RGS17: variants seen among roughly 807,000 people sequenced by gnomAD.
The protein encoded by RGS17 is regulator of G-protein signaling 17.
RGS17 carries 12 observed loss-of-function variants against 25.5 expected under a neutral mutation model. The observed-to-expected ratio is 0.47, with a 90% confidence interval of 0.30 to 0.76. The LOEUF is 0.76. Ranked by LOEUF, RGS17 falls within the 30% of genes least tolerant of loss-of-function variation. The pLI, the probability that RGS17 is intolerant of heterozygous loss-of-function variation, is 0.07. For synonymous variants in RGS17, 71 were observed against 76.9 expected, an observed-to-expected ratio of 0.92 and a Z score of 0.40; for missense variants, 196 against 242.2, an observed-to-expected ratio of 0.81 and a Z score of 1.27.
intron 1 of RGS17, among the ~76,000 whole-genome samples, chr6:153,112,571 A>C (rs866430212): frequency 1.3e-5 from 2 of 152,150 alleles, no homozygotes; most frequent in African/African-American, 4.8e-5. Flanking sequence ...AAATACAGAG[A>C]ACACCACAAA....
rs182683988 is a variant in RGS17, at chr6:153,028,207, G to C, written c.120-1664C>G. On this transcript the variant is annotated intron_variant, in intron 2 of 4. Transcript: ENST00000206262. ...TTGAGTTTGCCTCTACCCATTTCTAGGGACAGGGGCAGGTTTATTGGTGTC... is the reference window on the plus strand; with the variant it reads ...TTGAGTTTGCCTCTACCCATTTCTACGGACAGGGGCAGGTTTATTGGTGTC... 1.9e-4 allele frequency among the ~76,000 whole-genome samples: 29 copies of C among 152,278 alleles called. 1 individual carries two copies. In the East Asian group the frequency reaches 4.8e-3, roughly 25 times the overall value.
chr6:153,065,011 C>G (rs1433919611), intron 1 of RGS17, among the ~76,000 whole-genome samples: 1 of 152,074 alleles, frequency 6.6e-6, no homozygotes, highest in Non-Finnish European at 1.5e-5. Flanking sequence ...TACAGAGTGC[C>G]TGAATGGATA....
intron 4 of RGS17, among the ~76,000 whole-genome samples, chr6:153,017,032 A>G (rs1254221833): frequency 1.3e-5 from 2 of 152,202 alleles, no homozygotes; most frequent in Non-Finnish European, 2.9e-5. Flanking sequence ...GATAAGAGCT[A>G]TCCTCGGGCA....
intron 2 of RGS17, among the ~76,000 whole-genome samples, chr6:153,041,664 G>A (rs765328969): frequency 1.3e-5 from 2 of 152,142 alleles, no homozygotes; most frequent in Admixed American, 6.6e-5. Context: ...ATCATATACC[G>A]ATTACAGGAA....
intron 1 of RGS17, among the ~76,000 whole-genome samples, chr6:153,117,535 G>A (rs192318264): frequency 1.2e-4 from 18 of 152,252 alleles, no homozygotes; most frequent in Admixed American, 7.8e-4. Flanking sequence ...CTTAGGCTCC[G>A]CCCCTTATAA....
rs115018762 is a variant in RGS17, at chr6:153,046,071, T to G, written c.-25-2028A>C. Among the ~76,000 whole-genome samples the G allele has an allele frequency of 5.1e-3, 774 of 152,296 alleles. 5 individuals are homozygous for G. The highest frequency in any genetic ancestry group is 0.017 in the African/African-American group (712 of 41,566). Reference sequence around the variant, plus strand: ...TGGATGGAACTGGAAGATATTATATTAAGTGAAATAAGCAAGGAACAGAAG... The same window carrying G: ...TGGATGGAACTGGAAGATATTATATGAAGTGAAATAAGCAAGGAACAGAAG... On this transcript the variant is annotated intron_variant, in intron 1 of 4. Transcript: ENST00000206262.
At chr6:153,013,495 A>T (rs1336026375) in intron 4 of RGS17, among the ~76,000 whole-genome samples, 1 of 152,214 alleles carries the variant, frequency 6.6e-6, no homozygotes, top group African/African-American at 2.4e-5. Context: ...TGAAAGGAAG[A>T]TTCACACATC....
intron 1 of RGS17, among the ~76,000 whole-genome samples, chr6:153,070,320 TTAGCAAAG>T (rs1776769129): frequency 6.6e-6 from 1 of 152,118 alleles, no homozygotes; most frequent in African/African-American, 2.4e-5. Flanking sequence ...GGTTCAGCTT[TTAGCAAAG>T]AATAACTCTT....
intron 4 of RGS17, among the ~76,000 whole-genome samples, chr6:153,012,191 T>C (rs1305143376): frequency 2.0e-5 from 3 of 152,142 alleles, no homozygotes; most frequent in Admixed American, 6.5e-5. Context: ...TGGCAAAAAT[T>C]AACATGCATA....
intron 1 of RGS17, among the ~76,000 whole-genome samples, chr6:153,112,280 A>G (rs1231107608): frequency 6.6e-6 from 1 of 152,218 alleles, no homozygotes; most frequent in Non-Finnish European, 1.5e-5. Flanking sequence ...TGAAGCATAC[A>G]CAAGAATCAA....
intron 1 of RGS17, among the ~76,000 whole-genome samples, chr6:153,067,400 T>C (rs1319042178): frequency 6.6e-6 from 1 of 152,266 alleles, no homozygotes; most frequent in South Asian, 2.1e-4. Flanking sequence ...TATGATCTTA[T>C]ATTTGGAAAA....
intron 1 of RGS17, among the ~76,000 whole-genome samples, chr6:153,079,347 G>A (rs114582316): frequency 0.016 from 2,494 of 152,248 alleles, 74 homozygotes; most frequent in African/African-American, 0.056. Flanking sequence ...CAAAATGCTA[G>A]GATTACAGGT....
intron 1 of RGS17, among the ~76,000 whole-genome samples, chr6:153,119,741 A>T (rs994977586): frequency 2.6e-4 from 40 of 152,232 alleles, no homozygotes; most frequent in African/African-American, 9.2e-4. Context: ...CATCTTTGTG[A>T]TACATGTCCG....
intron 2 of RGS17, among the ~76,000 whole-genome samples, chr6:153,039,573 C>A (rs1022654301): frequency 8.5e-5 from 13 of 152,124 alleles, no homozygotes; most frequent in Admixed American, 3.9e-4. Context: ...GATGGGACAC[C>A]CACAGAAGCG....
At chr6:153,071,471 T>C (rs1209540052) in intron 1 of RGS17, among the ~76,000 whole-genome samples, 1 of 151,762 alleles carries the variant, frequency 6.6e-6, no homozygotes, top group East Asian at 1.9e-4. Flanking sequence ...GTGGTTTTTA[T>C]GTTGTTTTGT....
intron 1 of RGS17, among the ~76,000 whole-genome samples, chr6:153,082,093 G>C (rs1776994869): frequency 6.6e-6 from 1 of 152,142 alleles, no homozygotes; most frequent in Non-Finnish European, 1.5e-5. Context: ...GGAGAAGTTT[G>C]TAGTCATACT....
intron 1 of RGS17, among the ~76,000 whole-genome samples, chr6:153,070,673 T>TTGTGTGTGTGTGTGTGTGTG (rs55655703): frequency 7.6e-5 from 11 of 145,066 alleles, no homozygotes; most frequent in East Asian, 2.3e-4. Context: ...ACATGGAAGA[T>TTGTGTGTGTGTGTGTGTGTG]TGTGTGTGTG....
intron 1 of RGS17, among the ~76,000 whole-genome samples, chr6:153,058,177 T>G (rs747345467): frequency 3.9e-5 from 6 of 152,226 alleles, no homozygotes; most frequent in Non-Finnish European, 7.3e-5. Context: ...CAGTATGTGG[T>G]AGCTCTTTCA....
chr6:153,096,313 T>C (rs377355612), intron 1 of RGS17, among the ~76,000 whole-genome samples: 2 of 152,240 alleles, frequency 1.3e-5, no homozygotes, highest in African/African-American at 2.4e-5. Context: ...ACTTGCTGTG[T>C]AATATAGAAA....
Sources: gnomAD v4.1 joint callset for allele counts (sites outside exome capture counted in the v4.1 genomes callset) on GRCh38, gnomAD v4.1.1 for gene constraint, MANE v1.5 for transcripts, NCBI Gene and HGNC (gene_info 2026-07-23, HGNC 2026-07-21) for gene names.